Variants in ARFGEF2 observed in about 807,000 individuals in gnomAD.
ARFGEF2 encodes the protein ARF guanine nucleotide exchange factor 2, also known as brefeldin A-inhibited guanine nucleotide-exchange protein 2.
A neutral mutation model predicts 219.9 loss-of-function variants in ARFGEF2; 74 were observed. That is an observed-to-expected ratio of 0.34 (90% CI 0.28 to 0.41). ARFGEF2 has a LOEUF of 0.41. Among genes scored for constraint, ARFGEF2 ranks in the 10% least tolerant of loss-of-function variants. ARFGEF2 has a pLI of 1.00. For missense variants in ARFGEF2, 1,743 were observed against 2,218.3 expected, an observed-to-expected ratio of 0.79 and a Z score of 4.30; for synonymous variants, 733 against 799.2, an observed-to-expected ratio of 0.92 and a Z score of 1.40.
In ARFGEF2 at chr20:48,985,423, T is replaced by C; in HGVS notation, c.2086T>C (p.Phe696Leu). The C allele has an allele frequency of 6.2e-7, 1 of 1,614,158 alleles. No homozygotes were observed. Among genetic ancestry groups the C allele is most frequent in the Non-Finnish European group, 8.5e-7 (1 of 1,180,032 alleles). The change falls in exon 16 of 39, where the codon TTT becomes CTT. Residue 696 changes from phenylalanine to leucine, a missense_variant. Around this residue, in one of 5 missense-constraint regions of ARFGEF2, gnomAD observed 666 missense variants for 955.4 expected, o/e 0.70. Coordinates refer to ENST00000371917, the MANE Select transcript of ARFGEF2 (RefSeq NM_006420.3). ...ERLDSTQVGD[F>L]LGDSARFNKE... ...TATGTTTCAGACCCAAGTAGGCGATTTTCTGGGAGATAGCGCAAGGTTCAA... is the reference window on the plus strand; with the variant it reads ...TATGTTTCAGACCCAAGTAGGCGATCTTCTGGGAGATAGCGCAAGGTTCAA...
intron 6 of ARFGEF2, among the ~76,000 whole-genome samples, chr20:48,959,216 G>A (rs1304085173): frequency 6.6e-6 from 1 of 152,002 alleles, no homozygotes; most frequent in African/African-American, 2.4e-5. Context: ...TTTCTTGGGT[G>A]TTGAATGTAA....
At chr20:48,996,434 G>A (rs748742003) in intron 23 of ARFGEF2, among the ~76,000 whole-genome samples, 16 of 133,312 alleles carry the variant, frequency 1.2e-4, no homozygotes, top group Non-Finnish European at 2.2e-4. Context: ...TAGCCTAGGC[G>A]ACAGAGTGAG....
At chr20:48,969,884 T>C (rs1179274343) in intron 9 of ARFGEF2, among the ~76,000 whole-genome samples, 1 of 152,344 alleles carries the variant, frequency 6.6e-6, no homozygotes, top group East Asian at 1.9e-4. Context: ...TCTTACAGGA[T>C]TGATTAAATG....
Position 48,989,361 on chromosome 20 carries a change from G to C in ARFGEF2, c.2610G>C (p.Leu870=), listed in dbSNP as rs775044303. 1 of 1,614,218 alleles carries C rather than the reference G, an allele frequency of 6.2e-7. No homozygotes were observed. The highest frequency in any genetic ancestry group is 1.1e-5 in the South Asian group (1 of 91,086). ...AAATGGCTAAAACAGCCAAAGCTCTGATGGAGGCTGTGAGCCATGCCAAAG... is the reference window on the plus strand; with the variant it reads ...AAATGGCTAAAACAGCCAAAGCTCTCATGGAGGCTGTGAGCCATGCCAAAG... The part of the protein sequence containing the change: ...MEQMAKTAKA[L]MEAVSHAKAP... The change falls in exon 19 of 39, where the codon CTG becomes CTC. Residue 870 remains leucine (L), a synonymous_variant. Coordinates refer to ENST00000371917, the MANE Select transcript of ARFGEF2 (RefSeq NM_006420.3).
intron 28 of ARFGEF2, among the ~76,000 whole-genome samples, chr20:49,013,279 T>C (rs1342838061): frequency 6.6e-6 from 1 of 152,226 alleles, no homozygotes; most frequent in Non-Finnish European, 1.5e-5. Context: ...ATTTGACCTT[T>C]AAGCTCTTCT....
At chr20:48,922,545 T>C (rs2090849737) in intron 1 of ARFGEF2, among the ~76,000 whole-genome samples, 1 of 152,358 alleles carries the variant, frequency 6.6e-6, no homozygotes, top group East Asian at 1.9e-4. Context: ...CCAGGCATTG[T>C]AGTGAGCAAG....
intron 14 of ARFGEF2, among the ~76,000 whole-genome samples, chr20:48,982,361 C>G (rs2091301201): frequency 6.6e-6 from 1 of 152,136 alleles, no homozygotes. Context: ...GCTGCCTGAT[C>G]CTTCCTCTGG....
chr20:48,967,231 T>C (rs2091193750), intron 8 of ARFGEF2, among the ~76,000 whole-genome samples: 1 of 152,330 alleles, frequency 6.6e-6, no homozygotes, highest in Non-Finnish European at 1.5e-5. Context: ...ATTTGCTTTG[T>C]TTACTCAACA....
At chr20:49,017,824 A>G (rs1490684303) in intron 33 of ARFGEF2, among the ~76,000 whole-genome samples, 1 of 152,218 alleles carries the variant, frequency 6.6e-6, no homozygotes, top group East Asian at 1.9e-4. Context: ...GAAATGAGGG[A>G]TCAGTTAGCA....
rs563605779 is a variant in ARFGEF2, at chr20:48,965,637, A to G, written c.908-235A>G. Reference sequence around the variant, plus strand: ...TGGAGGCACCATTGATCTGGAGAGAATTGTATATTGCTGTGGCCCTGGCAG... The same window carrying G: ...TGGAGGCACCATTGATCTGGAGAGAGTTGTATATTGCTGTGGCCCTGGCAG... On this transcript the variant is annotated intron_variant, in intron 7 of 38. Coordinates refer to ENST00000371917, the MANE Select transcript of ARFGEF2 (RefSeq NM_006420.3). Among the ~76,000 whole-genome samples, 230 of 152,300 alleles carry G rather than the reference A, an allele frequency of 1.5e-3. 1 individual carries two copies. The highest frequency in any genetic ancestry group is 3.4e-3 in the Middle Eastern group (1 of 294).
At chr20:48,922,930 A>G (rs1271186503) in intron 1 of ARFGEF2, among the ~76,000 whole-genome samples, 1 of 152,226 alleles carries the variant, frequency 6.6e-6, no homozygotes, top group Non-Finnish European at 1.5e-5. Flanking sequence ...TTAAGAAAAT[A>G]GGTGAGGTAT....
At position 49,017,448 on chromosome 20, in the gene ARFGEF2, T is replaced by C. The variant is rs375358072; in HGVS notation, c.4455-48T>C. On this transcript the variant is annotated intron_variant, in intron 32 of 38. Transcript: ENST00000371917. ...TGTTCAGTGGATGTCTTAAAGCTCC[T>C]GATTGCCTTTCACATTGATTATTTT... The C allele has an allele frequency of 5.6e-6, 9 of 1,612,862 alleles. No homozygotes were observed. In the African/African-American group the frequency reaches 1.1e-4, roughly 19 times the overall value.
chr20:48,970,478 C>T, intron 9 of ARFGEF2, among the ~76,000 whole-genome samples: 1 of 150,092 alleles, frequency 6.7e-6, no homozygotes, highest in East Asian at 2.0e-4. Context: ...GGCATGGTGG[C>T]AGGCGCCTGT....
At chr20:49,021,455 C>T (rs1430287458) in intron 34 of ARFGEF2, among the ~76,000 whole-genome samples, 1 of 152,050 alleles carries the variant, frequency 6.6e-6, no homozygotes, top group Non-Finnish European at 1.5e-5. Flanking sequence ...CATGGGCCAC[C>T]CTTGGGCCCT....
intron 28 of ARFGEF2, 97 bp from the exon 29 acceptor site, chr20:49,013,467 A>T: frequency 6.6e-7 from 1 of 1,513,730 alleles, no homozygotes. Flanking sequence ...TTTTTGGGAG[A>T]GAAAAATGTG....
rs1010730425 is a variant in ARFGEF2 at position 49,034,508 on chromosome 20, GAGA to G, written c.*1312_*1314del. The G allele has an allele frequency of 2.0e-5, 3 of 152,236 alleles. No homozygotes were observed. The highest frequency in any genetic ancestry group is 7.2e-5 in the African/African-American group (3 of 41,462). The allele number at this position is 152,236 out of a possible 1,614,324, so 9.4% of individuals were successfully genotyped here. A position where few individuals can be genotyped will look rare whatever the true frequency, so the allele number is the denominator to read the frequency against. On this transcript the variant is annotated 3_prime_UTR_variant, in exon 39 of 39. Transcript: ENST00000371917. Reference sequence around the variant, plus strand: ...GCAGTATACGTGGATGCTCACCCATGAGAAGGAGCACACACGCCTCATTCTCTG... The same window carrying G: ...GCAGTATACGTGGATGCTCACCCATGAGGAGCACACACGCCTCATTCTCTG...
At chr20:48,974,282 C>T (rs2091247110) in intron 12 of ARFGEF2, among the ~76,000 whole-genome samples, 1 of 151,908 alleles carries the variant, frequency 6.6e-6, no homozygotes, top group Admixed American at 6.6e-5. Flanking sequence ...CCTGCCACCA[C>T]ACCCGGCTGA....
chr20:49,000,300 A>G (rs2091417718), intron 25 of ARFGEF2, among the ~76,000 whole-genome samples: 1 of 152,232 alleles, frequency 6.6e-6, no homozygotes, highest in African/African-American at 2.4e-5. Flanking sequence ...TGAGTGCTTC[A>G]TGCTGGGCAG....
chr20:49,026,475 G>A (rs536183494), intron 36 of ARFGEF2, among the ~76,000 whole-genome samples: 34 of 152,100 alleles, frequency 2.2e-4, no homozygotes, highest in Admixed American at 3.9e-4. Context: ...CAAAAACCCT[G>A]GAGGTAAATA....
Sources: gnomAD v4.1 joint callset for allele counts (sites outside exome capture counted in the v4.1 genomes callset) on GRCh38, gnomAD v4.1.1 for gene constraint, gnomAD v4.1.1 regional missense constraint, MANE v1.5 for transcripts, NCBI Gene and HGNC (gene_info 2026-07-23, HGNC 2026-07-21) for gene names.